Variants in ZNF726 observed in about 807,000 individuals in gnomAD.
ZNF726 encodes the protein zinc finger protein 726, also known as zinc finger protein 92 pseudogene 3.
Under a neutral mutation model 11.6 loss-of-function variants are expected in ZNF726, and 15 were observed. The ratio of observed to expected loss-of-function variants is 1.29; its 90% CI spans 0.86 to 1.99. The LOEUF (loss-of-function observed/expected upper bound fraction) is 1.99. ZNF726 is among the 30% of genes most tolerant of loss of function. ZNF726 has a pLI of 0.00. For synonymous variants in ZNF726, 295 were observed against 243.6 expected, an observed-to-expected ratio of 1.21 and a Z score of -1.96; for missense variants, 890 against 725.6, an observed-to-expected ratio of 1.23 and a Z score of -2.60.
chr19:23,937,080 C>CG (rs1555734865), downstream of ZNF726, among the ~76,000 whole-genome samples: 1 of 142,430 alleles, frequency 7.0e-6, no homozygotes, highest in South Asian at 2.2e-4. Context: ...GCTGGCCGGG[C>CG]GGGGGGCTGA....
In ZNF726 at chr19:23,923,472, C is replaced by T. The variant is rs766603662; in HGVS notation, c.226+3390C>T. On this transcript the variant is annotated intron_variant, in intron 3 of 3. Transcript: ENST00000594466. ...TGTCACCCAGGCTGGAGTGCAGTGG[C>T]GTGATCTTGGCTCACTGCAACCTCC... 1.2e-4 allele frequency: 40 copies of T among 330,280 alleles called. 2 individuals carry two copies. Among genetic ancestry groups the T allele is most frequent in the South Asian group, 6.9e-4 (30 of 43,522 alleles). 20.5% of individuals were successfully genotyped at this position (330,280 alleles called of 1,614,324 possible). A position where few individuals can be genotyped will look rare whatever the true frequency, so the allele number is the denominator to read the frequency against.
chr19:23,919,495 C>T lies in ZNF726; in HGVS notation c.126C>T (p.Phe42=), dbSNP rs573766775. The change falls in exon 2 of 4, where the codon TTC becomes TTT. Residue 42 remains phenylalanine, a synonymous_variant. Coordinates refer to ENST00000594466, the MANE Select transcript of ZNF726 (RefSeq NM_001244038.2). ...VMLENYRNLA[F]LGIAVSKPDL... ...TAGAGAACTACAGAAACCTGGCCTT[C>T]CTGGGTGAGGATAACTTTAATACAA... 1 of 1,595,490 alleles carries T rather than the reference C, an allele frequency of 6.3e-7. No homozygotes were observed. The highest frequency in any genetic ancestry group is 1.3e-5 in the African/African-American group (1 of 74,164).
At chr19:23,943,013 G>GT (rs1464884109) in intron 3 of ZNF726, among the ~76,000 whole-genome samples, 16 of 150,896 alleles carry the variant, frequency 1.1e-4, no homozygotes, top group Admixed American at 2.0e-4. Context: ...ATACTTTGGT[G>GT]TTTTTTTTTG....
chr19:23,937,941 T>A (rs985878601), downstream of ZNF726, among the ~76,000 whole-genome samples: 3 of 152,272 alleles, frequency 2.0e-5, no homozygotes, highest in Admixed American at 2.0e-4. Flanking sequence ...AGTATATTTT[T>A]AAATTATGTG....
In ZNF726 at chr19:23,933,085, T is replaced by C. The variant is rs754602469; in HGVS notation, c.969T>C (p.Val323=). ...GTGAAGAATGTGGCAAAGCATTTGT[T>C]TGGTCCTCAACCCTAACTAGACATA... ...YKCEECGKAF[V]WSSTLTRHKR... is the part of the protein sequence containing the mutation. The change falls in exon 4 of 4, where the codon GTT becomes GTC. Residue 323 remains valine (V), a synonymous_variant. Transcript: ENST00000594466. 1.2e-6 allele frequency: 2 copies of C among 1,610,488 alleles called. No homozygotes were observed. Among genetic ancestry groups the C allele is most frequent in the African/African-American group, 2.7e-5 (2 of 72,922 alleles).
chr19:23,937,415 C>T (rs998947468), downstream of ZNF726, among the ~76,000 whole-genome samples: 1 of 151,656 alleles, frequency 6.6e-6, no homozygotes, highest in African/African-American at 2.4e-5. Flanking sequence ...AGAGGGGCTC[C>T]TCACTTCTCA....
chr19:23,942,604 A>G (rs557408007), intron 3 of ZNF726, among the ~76,000 whole-genome samples: 8 of 152,010 alleles, frequency 5.3e-5, no homozygotes, highest in African/African-American at 1.9e-4. Context: ...CTCATTTCTT[A>G]GGTCTATTAA....
chr19:23,919,660 AC>A, intron 2 of ZNF726, 161 bp downstream of exon 2: 1 of 937,130 alleles, frequency 1.1e-6, no homozygotes, highest in Non-Finnish European at 1.5e-6. Flanking sequence ...TTTCATCCTG[AC>A]CTGAAATTTC....
intron 4 of ZNF726, chr19:23,943,742 T>G (rs1324743848): frequency 4.5e-6 from 2 of 443,950 alleles, no homozygotes; most frequent in Non-Finnish European, 8.2e-6. Flanking sequence ...AGTAGGAGCA[T>G]TTTTGTCCCA....
intron 3 of ZNF726, among the ~76,000 whole-genome samples, chr19:23,942,610 A>G (rs553481130): frequency 2.0e-5 from 3 of 152,040 alleles, no homozygotes; most frequent in Non-Finnish European, 2.9e-5. Context: ...TCTTAGGTCT[A>G]TTAATAATTG....
At chr19:23,916,582 C>T (rs138746019) in intron 1 of ZNF726, among the ~76,000 whole-genome samples, 10 of 152,260 alleles carry the variant, frequency 6.6e-5, no homozygotes, top group Admixed American at 1.3e-4. Context: ...CCTCCTGCCT[C>T]GGCCTCCCAA....
In ZNF726 at chr19:23,933,052, C is replaced by T; in HGVS notation, c.936C>T (p.Pro312=). ...AGAGGATGCACATTGGAGAGAAACCCTACAAATGTGAAGAATGTGGCAAAG... is the reference window on the plus strand; with the variant it reads ...AGAGGATGCACATTGGAGAGAAACCTTACAAATGTGAAGAATGTGGCAAAG... ...IHKRMHIGEK[P]YKCEECGKAF... Residue 312 remains proline (P), a synonymous_variant, in exon 4 of 4, where the codon CCC becomes CCT. Transcript: ENST00000594466. The T allele has an allele frequency of 6.2e-7, 1 of 1,613,422 alleles. No homozygotes were observed. The highest frequency in any genetic ancestry group is 8.5e-7 in the Non-Finnish European group (1 of 1,179,910).
In ZNF726 at chr19:23,916,236, G is replaced by A. The variant is rs554231570; in HGVS notation, c.3+1239G>A. On this transcript the variant is annotated intron_variant, in intron 1 of 3. Transcript: ENST00000594466. ...TACTAAATTTCCAGTTTTGTCTGACGTTGCCAAATGCCAGTTTCTCCTCTC... is the reference window on the plus strand; with the variant it reads ...TACTAAATTTCCAGTTTTGTCTGACATTGCCAAATGCCAGTTTCTCCTCTC... Among the ~76,000 whole-genome samples the A allele has an allele frequency of 3.3e-5, 5 of 152,150 alleles. No individual in the cohort carries two copies. In the East Asian group the frequency reaches 9.7e-4, roughly 29 times the overall value.
At chr19:23,927,691 A>T (rs919381186) in intron 3 of ZNF726, 8 of 152,196 alleles carry the variant, frequency 5.3e-5, no homozygotes, top group Non-Finnish European at 7.3e-5. Flanking sequence ...AGAGTTGCCC[A>T]GGCTGGCCTC....
chr19:23,936,611 TTAAG>T (rs971628205), downstream of ZNF726, among the ~76,000 whole-genome samples: 2 of 152,102 alleles, frequency 1.3e-5, no homozygotes, highest in African/African-American at 2.4e-5. Context: ...TGATGAAAAT[TTAAG>T]TAGAGAGGCT....
chr19:23,926,150 G>A (rs543334817), intron 3 of ZNF726, among the ~76,000 whole-genome samples: 3 of 152,206 alleles, frequency 2.0e-5, no homozygotes, highest in South Asian at 2.1e-4. Context: ...TTGAAGTGTA[G>A]TGTAGTTAAA....
At chr19:23,931,226 C>A (rs796875622) in intron 3 of ZNF726, among the ~76,000 whole-genome samples, 2 of 152,364 alleles carry the variant, frequency 1.3e-5, no homozygotes, top group African/African-American at 4.8e-5. Flanking sequence ...CCTGCCTCAG[C>A]CTCCCGAAGT....
rs908382197 is a variant in ZNF726 at position 23,934,021 on chromosome 19, C to T, written c.*54C>T. 7.8e-5 allele frequency: 111 copies of T among 1,427,086 alleles called. No individual in the cohort carries two copies. The highest frequency in any genetic ancestry group is 9.5e-5 in the Non-Finnish European group (99 of 1,047,444). 88.4% of individuals were successfully genotyped at this position (1,427,086 alleles called of 1,614,324 possible). Reference sequence around the variant, plus strand: ...GGCAAAGCATTTATATGGTCCTCAACGCTAAACATAAGAGGATGCACACTG... The same window carrying T: ...GGCAAAGCATTTATATGGTCCTCAATGCTAAACATAAGAGGATGCACACTG... On this transcript the variant is annotated 3_prime_UTR_variant, in exon 4 of 4. Coordinates refer to ENST00000594466, the MANE Select transcript of ZNF726 (RefSeq NM_001244038.2).
downstream of ZNF726, chr19:23,934,577 G>T (rs1968196105): frequency 5.9e-6 from 2 of 339,064 alleles, no homozygotes; most frequent in South Asian, 4.8e-5. Flanking sequence ...AATCAAGAAG[G>T]GTGTACAGTG....
Sources: allele counts gnomAD v4.1 joint callset (sites outside exome capture counted in the v4.1 genomes callset), GRCh38; gene constraint gnomAD v4.1.1; transcripts MANE v1.5; gene names NCBI Gene and HGNC (gene_info 2026-07-23, HGNC 2026-07-21).